RIMS2: variants seen among roughly 807,000 people sequenced by gnomAD.
RIMS2 encodes the protein regulating synaptic membrane exocytosis 2, also known as regulating synaptic membrane exocytosis protein 2.
In RIMS2, 59 loss-of-function variants were observed where a neutral mutation model predicts 174.4. The observed-to-expected ratio is 0.34, with a 90% CI of 0.27 to 0.42. RIMS2 has a LOEUF of 0.42. Among genes scored for constraint, RIMS2 ranks in the 10% least tolerant of loss-of-function variants. The pLI, the probability that RIMS2 is intolerant of heterozygous loss-of-function variation, is 1.00. For synonymous variants in RIMS2, 606 were observed against 572.5 expected, an observed-to-expected ratio of 1.06 and a Z score of -0.84; for missense variants, 1,620 against 1,666.3, an observed-to-expected ratio of 0.97 and a Z score of 0.48.
chr8:103,947,161 A>G (rs2083996480), intron 14 of RIMS2, among the ~76,000 whole-genome samples: 1 of 152,246 alleles, frequency 6.6e-6, no homozygotes, highest in South Asian at 2.1e-4. Context: ...CAAAGAAAAC[A>G]TAGGAGAAAA....
chr8:103,504,828 C>G lies in RIMS2; in HGVS notation c.176+3766C>G, dbSNP rs540604312. Among the ~76,000 whole-genome samples the G allele has an allele frequency of 1.4e-3, 173 of 124,444 alleles. 1 individual carries two copies. The highest frequency in any genetic ancestry group is 4.5e-3 in the Middle Eastern group (1 of 222). The allele number at this position is 124,444 out of a possible 152,430, so 81.6% of individuals were successfully genotyped here. On this transcript the variant is annotated intron_variant, in intron 1 of 23. Coordinates refer to ENST00000504942, the Ensembl canonical transcript of RIMS2. Reference sequence around the variant, plus strand: ...TGAAATAAAATCTTTTTTTTTCTTTCTTTTCTTTTCTTTCTTTCTTTTTTT... The same window carrying G: ...TGAAATAAAATCTTTTTTTTTCTTTGTTTTCTTTTCTTTCTTTCTTTTTTT...
intron 3 of RIMS2, among the ~76,000 whole-genome samples, chr8:103,785,596 A>T (rs1465126104): frequency 2.0e-5 from 3 of 152,210 alleles, no homozygotes; most frequent in Admixed American, 6.5e-5. Flanking sequence ...ATATTGAGCC[A>T]GCCTTGCATC....
In RIMS2 at chr8:103,643,222, CTTTTATATTATT is replaced by C. The variant is rs1244591523; in HGVS notation, c.177-53857_177-53846del. ...AGTCTGTCAAAGGCATTCTTTATTTCTTTTATATTATTTTTTATTTTTAGCATTTCCTTTTTG... is the reference window on the plus strand; with the variant it reads ...AGTCTGTCAAAGGCATTCTTTATTTCTTTTATTTTTAGCATTTCCTTTTTG... On this transcript the variant is annotated intron_variant, in intron 1 of 23. Coordinates refer to ENST00000504942, the Ensembl canonical transcript of RIMS2. Among the ~76,000 whole-genome samples the C allele has an allele frequency of 2.0e-5, 3 of 151,850 alleles. No individual in the cohort carries two copies. The East Asian group carries it at 5.8e-4, about 29-fold the overall frequency.
At chr8:103,790,968 G>C (rs935314044) in intron 3 of RIMS2, among the ~76,000 whole-genome samples, 7 of 152,190 alleles carry the variant, frequency 4.6e-5, no homozygotes, top group African/African-American at 1.7e-4. Flanking sequence ...AAGTGACGGG[G>C]AGAATGGAAC....
At chr8:103,675,618 T>C (rs1254284313) in intron 1 of RIMS2, among the ~76,000 whole-genome samples, 1 of 152,198 alleles carries the variant, frequency 6.6e-6, no homozygotes, top group Non-Finnish European at 1.5e-5. Flanking sequence ...CCTTGAAACA[T>C]GTAACAGAGA....
At chr8:103,880,722 G>A (rs1450552194) in intron 3 of RIMS2, 3 of 479,184 alleles carry the variant, frequency 6.3e-6, no homozygotes, top group Non-Finnish European at 7.6e-6. Context: ...AATCTTAATT[G>A]TGATATGTAA....
intron 1 of RIMS2, among the ~76,000 whole-genome samples, chr8:103,585,222 TAA>T (rs1181188913): frequency 6.6e-6 from 1 of 152,134 alleles, no homozygotes; most frequent in South Asian, 2.1e-4. Flanking sequence ...TGGCGATTAT[TAA>T]AAAGTCAGGA....
At chr8:103,987,015 A>G (rs1221465319) in intron 16 of RIMS2, among the ~76,000 whole-genome samples, 1 of 152,214 alleles carries the variant, frequency 6.6e-6, no homozygotes, top group Non-Finnish European at 1.5e-5. Flanking sequence ...GTAAGTTTTA[A>G]CCAAGTTTTT....
At chr8:104,014,126 C>T (rs1440665717) in intron 18 of RIMS2, among the ~76,000 whole-genome samples, 1 of 152,116 alleles carries the variant, frequency 6.6e-6, no homozygotes, top group Non-Finnish European at 1.5e-5. Flanking sequence ...GAGTAAAAAT[C>T]TCTGGATCAA....
chr8:104,167,020 G>A (rs937635845), intron 19 of RIMS2, among the ~76,000 whole-genome samples: 6 of 152,054 alleles, frequency 3.9e-5, no homozygotes, highest in African/African-American at 1.4e-4. Context: ...TCTACTCATT[G>A]GTTGATGGGC....
intron 4 of RIMS2, among the ~76,000 whole-genome samples, chr8:103,899,316 G>A (rs2099313253): frequency 1.3e-5 from 2 of 151,722 alleles, no homozygotes; most frequent in South Asian, 4.1e-4. Flanking sequence ...CACAATGGTT[G>A]AACTAGTTTA....
intron 1 of RIMS2, among the ~76,000 whole-genome samples, chr8:103,675,434 G>T (rs2096796115): frequency 6.6e-6 from 1 of 152,186 alleles, no homozygotes; most frequent in African/African-American, 2.4e-5. Context: ...GGACCAGGGA[G>T]GAATGGGCTT....
At chr8:103,613,400 C>T (rs1429507946) in intron 1 of RIMS2, among the ~76,000 whole-genome samples, 2 of 152,122 alleles carry the variant, frequency 1.3e-5, no homozygotes. Context: ...AAGGGCTCTT[C>T]CATAAAATTG....
chr8:103,712,982 G>T (rs752995806), intron 2 of RIMS2, among the ~76,000 whole-genome samples: 11 of 151,754 alleles, frequency 7.2e-5, no homozygotes, highest in African/African-American at 2.2e-4. Context: ...ATAGGACATT[G>T]GATTTTTCTT....
chr8:103,801,769 C>T (rs1401582114), intron 3 of RIMS2, among the ~76,000 whole-genome samples: 4 of 152,132 alleles, frequency 2.6e-5, no homozygotes, highest in Admixed American at 1.3e-4. Flanking sequence ...CTAGTGAAGC[C>T]GTTATCCATT....
exon 4 of RIMS2, chr8:103,886,106 A>G (rs2099199196): frequency 6.2e-7 from 1 of 1,612,934 alleles, no homozygotes; most frequent in African/African-American, 1.3e-5. Context: ...TAAATCAAAG[A>G]AAGGCGGTAA....
chr8:103,747,086 A>G (rs1161392441), intron 2 of RIMS2, among the ~76,000 whole-genome samples: 1 of 141,886 alleles, frequency 7.0e-6, no homozygotes, highest in East Asian at 2.0e-4. Flanking sequence ...TTTTTTTTTT[A>G]ATTAATTACT....
At chr8:104,249,612 A>G (rs562309654) in intron 22 of RIMS2, 24 bp downstream of exon 28, 9 of 1,263,322 alleles carry the variant, frequency 7.1e-6, no homozygotes, top group South Asian at 2.4e-5. Flanking sequence ...AGATTTTTCT[A>G]TTATTGTCCA....
Position 104,250,613 on chromosome 8 carries a change from AGT to A in RIMS2, c.3692-410_3692-409del, listed in dbSNP as rs2099356023. Among the ~76,000 whole-genome samples the A allele has an allele frequency of 5.7e-4, 7 of 12,386 alleles. No homozygotes were observed. The African/African-American group carries it at 8.6e-3, about 15-fold the overall frequency. 8.1% of individuals were successfully genotyped at this position (12,386 alleles called of 152,430 possible). A position where few individuals can be genotyped will look rare whatever the true frequency, so the allele number is the denominator to read the frequency against. On this transcript the variant is annotated intron_variant, in intron 22 of 23. Transcript: ENST00000504942. ...CTACTGTTATACCCACACCACCACC[AGT>A]AAGTAAGTACTTTTGAGTGATAATC...
Sources: gnomAD v4.1 joint callset for allele counts (sites outside exome capture counted in the v4.1 genomes callset) on GRCh38, gnomAD v4.1.1 for gene constraint, MANE v1.5 for transcripts, NCBI Gene and HGNC (gene_info 2026-07-23, HGNC 2026-07-21) for gene names.